The following MUC5AC variants were observed in gnomAD, a reference collection of about 807,000 sequenced individuals.
MUC5AC encodes the protein mucin 5AC, oligomeric mucus/gel-forming.
MUC5AC carries 158 observed loss-of-function variants against 169.7 expected under a neutral mutation model. The ratio of observed to expected loss-of-function variants is 0.93; its 90% CI spans 0.82 to 1.06. MUC5AC has a LOEUF of 1.06. Among genes scored for constraint, MUC5AC ranks in the 50% least tolerant of loss-of-function variants. The pLI is 0.00. For missense variants in MUC5AC, 4,359 were observed against 3,089.9 expected, an observed-to-expected ratio of 1.41 and a Z score of -9.74; for synonymous variants, 1,975 against 1,237.0, an observed-to-expected ratio of 1.60 and a Z score of -12.52.
chr11:1,171,211 TACTCACTC>T (rs1192026927), intron 15 of MUC5AC, among the ~76,000 whole-genome samples: 6 of 106,500 alleles, frequency 5.6e-5, no homozygotes, highest in South Asian at 3.4e-4. Context: ...TCACTCAACT[TACTCACTC>T]ACCCACTCAC....
Position 1,185,449 on chromosome 11 carries a change from G to A in MUC5AC, c.7304G>A (p.Ser2435Asn). ...AGCACAACCTCCAGTCCACAGACCA[G>A]CACAACCTCGGCTCCTACAACCAGC... Reference protein sequence around the residue: ...TSSTTSSPQTSTTSAPTTSTT... With the variant: ...TSSTTSSPQTNTTSAPTTSTT... The change falls in exon 31 of 49, where the codon AGC becomes AAC. Residue 2435 changes from serine (S) to asparagine (N), a missense_variant. Ser to Asn is a conservative substitution (Grantham distance 46, BLOSUM62 1). Transcript: ENST00000621226. The A allele has an allele frequency of 2.7e-6, 2 of 728,154 alleles. No homozygotes were observed. The highest frequency in any genetic ancestry group is 2.5e-5 in the East Asian group (1 of 39,272). The allele number at this position is 728,154 out of a possible 1,614,324, so 45.1% of individuals were successfully genotyped here. A position where few individuals can be genotyped will look rare whatever the true frequency, so the allele number is the denominator to read the frequency against.
rs1432480331 is a variant in MUC5AC at position 1,169,751 on chromosome 11, A to T, written c.1870+725A>T. ...TATTCACTCACCCATTCGCTCACTC[A>T]CTCACCTCACTCACTCGCCCACTCA... On this transcript the variant is annotated intron_variant, in intron 15 of 48. Coordinates refer to ENST00000621226, the MANE Select transcript of MUC5AC (RefSeq NM_001304359.2). Among the ~76,000 whole-genome samples the T allele has an allele frequency of 3.1e-3, 385 of 124,128 alleles. 2 individuals are homozygous for T. Among genetic ancestry groups the T allele is most frequent in the Admixed American group, 6.1e-3 (72 of 11,788 alleles). The allele number at this position is 124,128 out of a possible 152,430, so 81.4% of individuals were successfully genotyped here.
chr11:1,158,666 T>A (rs28434250), intron 1 of MUC5AC, among the ~76,000 whole-genome samples: 1 of 152,086 alleles, frequency 6.6e-6, no homozygotes, highest in East Asian at 1.9e-4. Context: ...GGGCCAGCAG[T>A]TCCCTTCCTC....
intron 25 of MUC5AC, 60 bp from the exon 26 acceptor site, chr11:1,179,032 C>A: frequency 2.2e-6 from 1 of 451,804 alleles, no homozygotes; most frequent in South Asian, 4.3e-5. Context: ...TGGGCCCGGT[C>A]CCCAAGAGCC....
Position 1,169,042 on chromosome 11 carries a change from GCTCGCC to G in MUC5AC, c.1870+17_1870+22del, listed in dbSNP as rs1218300436. On this transcript the variant is annotated intron_variant, in intron 15 of 48. Coordinates refer to ENST00000621226, the MANE Select transcript of MUC5AC (RefSeq NM_001304359.2). Reference sequence around the variant, plus strand: ...GTGGAGAATGGTACGGGTGTCCACGGCTCGCCTCTGTGCTGGCCGCCTGGCGCTGGT... The same window carrying G: ...GTGGAGAATGGTACGGGTGTCCACGGTCTGTGCTGGCCGCCTGGCGCTGGT... The G allele has an allele frequency of 1.9e-6, 3 of 1,547,790 alleles. No homozygotes were observed. Among genetic ancestry groups the G allele is most frequent in the Non-Finnish European group, 2.6e-6 (3 of 1,144,404 alleles).
intron 11 of MUC5AC, 70 bp downstream of exon 11, chr11:1,165,830 C>A: frequency 6.3e-7 from 1 of 1,594,910 alleles, no homozygotes; most frequent in Non-Finnish European, 8.5e-7. Flanking sequence ...CAGGCTCCCC[C>A]AGCTTGGCTG....
Position 1,192,188 on chromosome 11 carries a change from C to T in MUC5AC, c.14043C>T (p.His4681=), listed in dbSNP as rs774485430. The change falls in exon 31 of 49, where the codon CAC becomes CAT. Residue 4681 remains histidine (H), a synonymous_variant. Transcript: ENST00000621226. The part of the protein sequence containing the change: ...ITRLQCRAES[H]PEVNIEHLGQ... ...GGCTCCAGTGCCGAGCCGAGAGCCA[C>T]CCGGAGGTGAACATTGAACACCTGG... 17 of 765,004 alleles carry T rather than the reference C, an allele frequency of 2.2e-5. No homozygotes were observed. The African/African-American group carries it at 2.7e-4, about 12-fold the overall frequency. The allele number at this position is 765,004 out of a possible 1,614,324, so 47.4% of individuals were successfully genotyped here.
Position 1,165,646 on chromosome 11 carries a change from C to A in MUC5AC, c.1272C>A (p.Ser424Arg), listed in dbSNP as rs764350575. The change falls in exon 11 of 49, where the codon AGC (serine) becomes AGA (arginine). Residue 424 changes from serine to arginine, a missense_variant. Ser to Arg is a moderately radical substitution (Grantham distance 110). Coordinates refer to ENST00000621226, the MANE Select transcript of MUC5AC (RefSeq NM_001304359.2). ...TNCTCSGGRW[S>R]CQEVPCPGTC... ...GCACCTGCTCCGGAGGCCGGTGGAG[C>A]TGCCAGGAGGTTCCATGCCCGGGTA... 2 of 1,612,328 alleles carry A rather than the reference C, an allele frequency of 1.2e-6. No individual in the cohort carries two copies.
rs1416043307 is a variant in MUC5AC at position 1,185,983 on chromosome 11, A to G, written c.7838A>G (p.Asn2613Ser). The part of the protein sequence containing the change: ...SITSAPTTST[N>S]SAPISSTTSA... ...ACCTCTGCACCTACAACCAGCACAA[A>G]CTCTGCCCCTATAAGCAGCACAACC... Residue 2613 changes from asparagine (N) to serine (S), a missense_variant, in exon 31 of 49, where the codon AAC (asparagine) becomes AGC (serine). Transcript: ENST00000621226. 3.1e-6 allele frequency: 2 copies of G among 637,346 alleles called. No homozygotes were observed. The highest frequency in any genetic ancestry group is 3.0e-5 in the East Asian group (1 of 33,768). 39.5% of individuals were successfully genotyped at this position (637,346 alleles called of 1,614,324 possible). A position where few individuals can be genotyped will look rare whatever the true frequency, so the allele number is the denominator to read the frequency against.
intron 12 of MUC5AC, 89 bp from the exon 13 acceptor site, chr11:1,168,394 A>G: frequency 7.6e-7 from 1 of 1,314,072 alleles, no homozygotes; most frequent in Non-Finnish European, 1.1e-6. Flanking sequence ...AAGGCCTCCT[A>G]GGCACCTGCA....
chr11:1,194,684 G>T lies in MUC5AC; in HGVS notation c.15190+14G>T, dbSNP rs1179464307. On this transcript the variant is annotated intron_variant, in intron 35 of 48. Transcript: ENST00000621226. ...AGGGCCAGTGCGGTGAGGCCACAGG[G>T]CTCCCGGGCATCGTCTGGCATTCGC... 2 of 737,004 alleles carry T rather than the reference G, an allele frequency of 2.7e-6. No individual in the cohort carries two copies. The allele number at this position is 737,004 out of a possible 1,614,324, so 45.7% of individuals were successfully genotyped here. A position where few individuals can be genotyped will look rare whatever the true frequency, so the allele number is the denominator to read the frequency against.
rs779397651 is a variant in MUC5AC, at chr11:1,194,316, G to A, written c.14962G>A (p.Val4988Met). The A allele has an allele frequency of 3.5e-5, 26 of 739,306 alleles. No individual in the cohort carries two copies. The highest frequency in any genetic ancestry group is 2.9e-4 in the Admixed American group (16 of 54,238). The allele number at this position is 739,306 out of a possible 1,614,324, so 45.8% of individuals were successfully genotyped here. A position where few individuals can be genotyped will look rare whatever the true frequency, so the allele number is the denominator to read the frequency against. Reference protein sequence around the residue: ...SIILEYHQDRVVLTRKPVHGV... With the variant: ...SIILEYHQDRMVLTRKPVHGV... ...CATCCTGGAGTACCACCAGGACCGC[G>A]TGGTGCTGACCCGCAAGCCAGTCCA... is the stretch of plus-strand genomic sequence containing the variant. Residue 4988 changes from valine to methionine, a missense_variant, in exon 34 of 49, where the codon GTG (valine) becomes ATG (methionine). Val to Met is a conservative substitution (Grantham distance 21, BLOSUM62 1). Transcript: ENST00000621226.
chr11:1,163,608 T>C (rs553042668), intron 6 of MUC5AC, among the ~76,000 whole-genome samples: 1 of 152,182 alleles, frequency 6.6e-6, no homozygotes, highest in African/African-American at 2.4e-5. Context: ...CCTGGGTCAG[T>C]TGAGGCCTCA....
chr11:1,175,324 A>G (rs1860644037), intron 19 of MUC5AC, 54 bp downstream of exon 19: 3 of 398,488 alleles, frequency 7.5e-6, no homozygotes, highest in Non-Finnish European at 8.8e-6. Flanking sequence ...CTCTATAAGA[A>G]ATCCTGAAAA....
At chr11:1,198,120 G>A (rs1861331467) in intron 42 of MUC5AC, 116 bp downstream of exon 42, 1 of 665,510 alleles carries the variant, frequency 1.5e-6, no homozygotes, top group African/African-American at 1.8e-5. Flanking sequence ...CTGTGGCTCT[G>A]GACTGAGCCT....
At chr11:1,178,880 C>T (rs1860746663) in intron 25 of MUC5AC, among the ~76,000 whole-genome samples, 197 bp downstream of exon 25, 1 of 152,190 alleles carries the variant, frequency 6.6e-6, no homozygotes, top group East Asian at 1.9e-4. Context: ...GGTTTCGGGG[C>T]CCTGGGGGGT....
chr11:1,178,445 G>A lies in MUC5AC; in HGVS notation c.3089G>A (p.Gly1030Asp). 1 of 650,478 alleles carries A rather than the reference G, an allele frequency of 1.5e-6. No homozygotes were observed. The highest frequency in any genetic ancestry group is 2.3e-6 in the Non-Finnish European group (1 of 440,014). 40.3% of individuals were successfully genotyped at this position (650,478 alleles called of 1,614,324 possible). The change falls in exon 25 of 49, where the codon GGC becomes GAC. Residue 1030 changes from glycine (G) to aspartate (D), a missense_variant and splice_region_variant. Coordinates refer to ENST00000621226, the MANE Select transcript of MUC5AC (RefSeq NM_001304359.2). ...CCACCTCTCCCGGTGCCTCTGCAGG[G>A]CAGGGTCTGCGGCCTGTGTGGGAAC... ...IFINLSPEFK[G>D]RVCGLCGNFD...
In MUC5AC at chr11:1,200,421, G is replaced by A. The variant is rs763636782; in HGVS notation, c.16701-17G>A. The A allele has an allele frequency of 8.9e-6, 6 of 676,612 alleles. No homozygotes were observed. Among genetic ancestry groups the A allele is most frequent in the Non-Finnish European group, 1.6e-5 (6 of 368,202 alleles). 41.9% of individuals were successfully genotyped at this position (676,612 alleles called of 1,614,324 possible). A position where few individuals can be genotyped will look rare whatever the true frequency, so the allele number is the denominator to read the frequency against. On this transcript the variant is annotated splice_polypyrimidine_tract_variant and intron_variant, in intron 48 of 48. Coordinates refer to ENST00000621226, the MANE Select transcript of MUC5AC (RefSeq NM_001304359.2). Reference sequence around the variant, plus strand: ...GGGGTGGCGCAGCAGCTGGTGCTGAGCAGCCCCTGCCCACAGGTACTCGCT... The same window carrying A: ...GGGGTGGCGCAGCAGCTGGTGCTGAACAGCCCCTGCCCACAGGTACTCGCT...
At position 1,191,414 on chromosome 11, in the gene MUC5AC, C is replaced by A. The variant is rs1370544142; in HGVS notation, c.13269C>A (p.Thr4423=). The change falls in exon 31 of 49, where the codon ACC becomes ACA. Residue 4423 remains threonine (T), a synonymous_variant. Transcript: ENST00000621226. The part of the protein sequence containing the change: ...PTTSTTSAPT[T]RTTPASTAST... ...CCAGCACAACCTCTGCTCCTACAAC[C>A]AGAACAACCCCTGCCTCTACAGCCA... The A allele has an allele frequency of 3.4e-4, 253 of 733,368 alleles. 5 individuals are homozygous for A. The African/African-American group carries it at 4.0e-3, about 12-fold the overall frequency. The allele number at this position is 733,368 out of a possible 1,614,324, so 45.4% of individuals were successfully genotyped here. A position where few individuals can be genotyped will look rare whatever the true frequency, so the allele number is the denominator to read the frequency against.
Sources: allele counts gnomAD v4.1 joint callset (sites outside exome capture counted in the v4.1 genomes callset), GRCh38; gene constraint gnomAD v4.1.1; transcripts MANE v1.5; gene names NCBI Gene and HGNC (gene_info 2026-07-23, HGNC 2026-07-21).